The following DNAJC1 variants were observed in gnomAD, a reference collection of about 807,000 sequenced individuals.
DNAJC1 encodes dnaJ homolog subfamily C member 1.
DNAJC1 carries 58 observed loss-of-function variants against 76.6 expected under a neutral mutation model. The observed-to-expected ratio is 0.76, with a 90% CI of 0.61 to 0.94. DNAJC1 has a LOEUF of 0.94. Among genes scored for constraint, DNAJC1 ranks in the 40% least tolerant of loss-of-function variants. The probability of loss-of-function intolerance (pLI) is 0.00; values close to 1 mark genes in which losing one functional copy is unlikely to be tolerated. For missense variants in DNAJC1, 689 were observed against 677.3 expected, an observed-to-expected ratio of 1.02 and a Z score of -0.19; for synonymous variants, 258 against 267.9, an observed-to-expected ratio of 0.96 and a Z score of 0.36.
At chr10:21,917,111 T>A (rs539407176) in intron 6 of DNAJC1, among the ~76,000 whole-genome samples, 13 of 152,132 alleles carry the variant, frequency 8.5e-5, no homozygotes, top group Admixed American at 4.6e-4. Flanking sequence ...AACTTTAAAA[T>A]TCAAAGTGAT....
chr10:21,916,459 A>AG (rs1836958209), intron 6 of DNAJC1, among the ~76,000 whole-genome samples: 1 of 152,208 alleles, frequency 6.6e-6, no homozygotes, highest in Admixed American at 6.5e-5. Flanking sequence ...ACTGCACTCC[A>AG]GCCTGGGCGA....
At chr10:21,943,835 C>CAT (rs1564834434) in intron 1 of DNAJC1, among the ~76,000 whole-genome samples, 1 of 151,398 alleles carries the variant, frequency 6.6e-6, no homozygotes, top group Non-Finnish European at 1.5e-5. Context: ...TTCTACCCTG[C>CAT]ATATAGTCAG....
chr10:21,883,251 AACACACACACACACACACACACAC>A (rs3032395), intron 7 of DNAJC1, among the ~76,000 whole-genome samples: 1 of 128,956 alleles, frequency 7.8e-6, no homozygotes, highest in Non-Finnish European at 1.6e-5. Flanking sequence ...TTCTATCTCA[AACACACACACACACACACACACAC>A]ACACACACAC....
At chr10:21,970,338 A>G (rs1837957905) in intron 1 of DNAJC1, among the ~76,000 whole-genome samples, 1 of 152,064 alleles carries the variant, frequency 6.6e-6, no homozygotes, top group Non-Finnish European at 1.5e-5. Context: ...CTAAGTTGTT[A>G]AAGGAGGTCA....
Position 21,772,829 on chromosome 10 carries a change from G to T in DNAJC1, c.1099-6520C>A, listed in dbSNP as rs533102362. 2.0e-4 allele frequency among the ~76,000 whole-genome samples: 30 copies of T among 151,894 alleles called. No homozygotes were observed. In the South Asian group the frequency reaches 4.6e-3, roughly 23 times the overall value. On this transcript the variant is annotated intron_variant, in intron 9 of 11. Coordinates refer to ENST00000376980, the MANE Select transcript of DNAJC1 (RefSeq NM_022365.4). ...AGAAAAGATACTGAATTGGCTCATG[G>T]TTTCACAAGCTGTACAGGAAGCGTG...
rs1476406173 is a variant in DNAJC1 at position 21,836,838 on chromosome 10, G to T, written c.979-30739C>A. Among the ~76,000 whole-genome samples, 11 of 152,298 alleles carry T rather than the reference G, an allele frequency of 7.2e-5. No homozygotes were observed. In the South Asian group the frequency reaches 1.5e-3, roughly 20 times the overall value. On this transcript the variant is annotated intron_variant, in intron 8 of 11. Transcript: ENST00000376980. ...CCCAGATTCATAAAGCAAGTCCTGA[G>T]TGACCTACAAAGAGACTTAGACTCC...
chr10:21,808,527 T>C (rs1352634930), intron 8 of DNAJC1, among the ~76,000 whole-genome samples: 2 of 152,194 alleles, frequency 1.3e-5, no homozygotes, highest in Non-Finnish European at 2.9e-5. Flanking sequence ...ACTAGGGCCA[T>C]AATCTGAAAT....
Position 21,813,202 on chromosome 10 carries a change from CTCTCTCTCTCTCTCTCTCTATATATA to C in DNAJC1, c.979-7129_979-7104del, listed in dbSNP as rs1268620697. 7.5e-5 allele frequency among the ~76,000 whole-genome samples: 6 copies of C among 79,518 alleles called. No individual in the cohort carries two copies. The East Asian group carries it at 1.7e-3, about 22-fold the overall frequency. 52.2% of individuals were successfully genotyped at this position (79,518 alleles called of 152,430 possible). A position where few individuals can be genotyped will look rare whatever the true frequency, so the allele number is the denominator to read the frequency against. ...TCTCTCTCTCTCTCTCTCTCTCTCT[CTCTCTCTCTCTCTCTCTCTATATATA>C]TATATATATATATATACACATACAG... On this transcript the variant is annotated intron_variant, in intron 8 of 11. Coordinates refer to ENST00000376980, the MANE Select transcript of DNAJC1 (RefSeq NM_022365.4).
At chr10:21,837,164 C>T (rs939646122) in intron 8 of DNAJC1, among the ~76,000 whole-genome samples, 2 of 152,226 alleles carry the variant, frequency 1.3e-5, no homozygotes, top group African/African-American at 2.4e-5. Flanking sequence ...CTGCCAGCCT[C>T]GGCCTCCCGA....
intron 1 of DNAJC1, among the ~76,000 whole-genome samples, chr10:21,993,421 T>C (rs139048189): frequency 2.5e-4 from 38 of 152,320 alleles, no homozygotes; most frequent in Non-Finnish European, 4.1e-4. Flanking sequence ...TCAGCATGCT[T>C]GCAGCACACC....
At chr10:21,779,569 G>C (rs984668167) in intron 9 of DNAJC1, among the ~76,000 whole-genome samples, 8 of 152,152 alleles carry the variant, frequency 5.3e-5, no homozygotes, top group African/African-American at 1.9e-4. Flanking sequence ...AAACAGAAAG[G>C]ACATCCACAC....
At chr10:21,830,377 T>A (rs1225623171) in intron 8 of DNAJC1, among the ~76,000 whole-genome samples, 1 of 152,232 alleles carries the variant, frequency 6.6e-6, no homozygotes, top group Non-Finnish European at 1.5e-5. Flanking sequence ...CATAAAATGC[T>A]AAGTTGACAA....
chr10:21,899,607 C>G (rs1836611315), intron 7 of DNAJC1, among the ~76,000 whole-genome samples: 1 of 152,218 alleles, frequency 6.6e-6, no homozygotes, highest in African/African-American at 2.4e-5. Context: ...TTAAGCGGGA[C>G]CCCAATTCAT....
rs2131770924 is a variant in DNAJC1, at chr10:21,920,978, T to C, written c.372-15A>G. ...TATCATCATACCTACAGTACAAATATAACAGTTTTTCACGGGGAGTTTAAA... is the reference window on the plus strand; with the variant it reads ...TATCATCATACCTACAGTACAAATACAACAGTTTTTCACGGGGAGTTTAAA... On this transcript the variant is annotated splice_polypyrimidine_tract_variant and intron_variant, in intron 3 of 11. Coordinates refer to ENST00000376980, the MANE Select transcript of DNAJC1 (RefSeq NM_022365.4). 1.3e-6 allele frequency: 2 copies of C among 1,523,676 alleles called. No individual in the cohort carries two copies. Among genetic ancestry groups the C allele is most frequent in the Non-Finnish European group, 1.8e-6 (2 of 1,131,504 alleles). 94.4% of individuals were successfully genotyped at this position (1,523,676 alleles called of 1,614,324 possible).
At chr10:21,820,596 A>G (rs985076523) in intron 8 of DNAJC1, among the ~76,000 whole-genome samples, 2 of 152,180 alleles carry the variant, frequency 1.3e-5, no homozygotes, top group African/African-American at 2.4e-5. Context: ...TGCCAATTCA[A>G]TTCTGACCCT....
At chr10:21,815,253 A>G (rs1835055514) in intron 8 of DNAJC1, among the ~76,000 whole-genome samples, 1 of 152,236 alleles carries the variant, frequency 6.6e-6, no homozygotes, top group Non-Finnish European at 1.5e-5. Flanking sequence ...GACTATTTGA[A>G]CTGATCCATG....
chr10:21,866,195 C>T (rs571958169), intron 8 of DNAJC1, among the ~76,000 whole-genome samples: 2 of 132,524 alleles, frequency 1.5e-5, no homozygotes, highest in East Asian at 4.6e-4. Flanking sequence ...AAATAAAAAA[C>T]CCAAACAGTA....
intron 9 of DNAJC1, among the ~76,000 whole-genome samples, chr10:21,798,312 A>G (rs527791795): frequency 3.3e-5 from 5 of 152,306 alleles, no homozygotes; most frequent in Non-Finnish European, 7.4e-5. Flanking sequence ...AGTCAGAACA[A>G]TGCTTTTAGA....
chr10:21,908,575 G>A (rs1163632162), intron 6 of DNAJC1, among the ~76,000 whole-genome samples: 2 of 150,840 alleles, frequency 1.3e-5, no homozygotes, highest in East Asian at 2.0e-4. Flanking sequence ...TGGGTCCAGA[G>A]TAAACTCCAG....
Sources: gnomAD v4.1 joint callset for allele counts (sites outside exome capture counted in the v4.1 genomes callset) on GRCh38, gnomAD v4.1.1 for gene constraint, MANE v1.5 for transcripts, NCBI Gene and HGNC (gene_info 2026-07-23, HGNC 2026-07-21) for gene names.